Variants in GRIN2A observed in about 807,000 individuals in gnomAD.
GRIN2A encodes glutamate receptor ionotropic, NMDA 2A.
GRIN2A carries 22 observed loss-of-function variants against 113.4 expected under a neutral mutation model. The ratio of observed to expected loss-of-function variants is 0.19; its 90% CI spans 0.14 to 0.28. GRIN2A has a LOEUF of 0.28. Among genes scored for constraint, GRIN2A ranks in the 10% least tolerant of loss-of-function variants. GRIN2A has a pLI of 1.00. For synonymous variants in GRIN2A, 827 were observed against 738.4 expected, an observed-to-expected ratio of 1.12 and a Z score of -1.94; for missense variants, 1,502 against 1,887.0, an observed-to-expected ratio of 0.80 and a Z score of 3.78.
At chr16:9,966,693 CA>C (rs2045562264) in intron 2 of GRIN2A, among the ~76,000 whole-genome samples, 1 of 152,140 alleles carries the variant, frequency 6.6e-6, no homozygotes, top group African/African-American at 2.4e-5. Context: ...GAGAAATTGC[CA>C]CATTGTCTTC....
At chr16:9,840,881 A>G (rs1464370413) in intron 6 of GRIN2A, 55 bp downstream of exon 6, 4 of 1,593,168 alleles carry the variant, frequency 2.5e-6, no homozygotes, top group Non-Finnish European at 3.4e-6. Flanking sequence ...AACATTCCTG[A>G]GGACTGCAGG....
chr16:9,842,939 GAGAA>G (rs71402404), intron 5 of GRIN2A, among the ~76,000 whole-genome samples: 34 of 134,566 alleles, frequency 2.5e-4, no homozygotes, highest in South Asian at 9.3e-4. Flanking sequence ...GAGAGAAAGA[GAGAA>G]AGAAAGAAAG....
intron 11 of GRIN2A, among the ~76,000 whole-genome samples, chr16:9,785,802 C>T (rs1417965125): frequency 6.6e-6 from 1 of 152,122 alleles, no homozygotes; most frequent in Non-Finnish European, 1.5e-5. Context: ...AATTAGGTGT[C>T]TGTATTTTCT....
In GRIN2A at chr16:9,762,897, T is replaced by G. The variant is rs1567274517; in HGVS notation, c.*252A>C. The G allele has an allele frequency of 3.5e-6, 2 of 570,158 alleles. No homozygotes were observed. The highest frequency in any genetic ancestry group is 2.9e-5 in the East Asian group (1 of 34,510). The allele number at this position is 570,158 out of a possible 1,614,324, so 35.3% of individuals were successfully genotyped here. A position where few individuals can be genotyped will look rare whatever the true frequency, so the allele number is the denominator to read the frequency against. ...GGCATGTCCCGGAGACTTGCCCTTA[T>G]GTAGTTAGTTATTTTTGGTTAAGGA... On this transcript the variant is annotated 3_prime_UTR_variant, in exon 13 of 13. Transcript: ENST00000330684.
At chr16:10,096,559 C>CACACACACACACACAT (rs1555478926) in intron 2 of GRIN2A, among the ~76,000 whole-genome samples, 23 of 151,698 alleles carry the variant, frequency 1.5e-4, no homozygotes, top group Middle Eastern at 3.4e-3. Flanking sequence ...CACACACACA[C>CACACACACACACACAT]ACACACACAC....
rs762674544 is a variant in GRIN2A at position 9,841,005 on chromosome 16, G to A, written c.1428C>T (p.Asp476=). 1.7e-5 allele frequency: 28 copies of A among 1,613,314 alleles called. No individual in the cohort carries two copies. In the South Asian group the frequency reaches 2.7e-4, roughly 16 times the overall value. ...GCTTCCCATTGGTCACCAGATAGAG[G>A]TCGTAAGTAAACTTCACAGTTCTGG... ...KLSRTVKFTY[D]LYLVTNGKHG... The change falls in exon 6 of 13, where the codon GAC becomes GAT. Residue 476 remains aspartate (D), a synonymous_variant. Transcript: ENST00000330684.
intron 2 of GRIN2A, among the ~76,000 whole-genome samples, chr16:9,961,445 G>A (rs1267728038): frequency 6.6e-6 from 1 of 152,072 alleles, no homozygotes; most frequent in East Asian, 1.9e-4. Flanking sequence ...CAAAACAAAG[G>A]CATGCTATAC....
chr16:9,880,354 C>G (rs960116686), intron 4 of GRIN2A, among the ~76,000 whole-genome samples: 1 of 152,146 alleles, frequency 6.6e-6, no homozygotes, highest in African/African-American at 2.4e-5. Context: ...AACTATTAGG[C>G]TTGTGTGAAA....
chr16:9,969,067 T>C (rs4780745), intron 2 of GRIN2A, among the ~76,000 whole-genome samples: 54,081 of 151,832 alleles, frequency 0.36, 10,084 homozygotes, highest in African/African-American at 0.43. Context: ...AGTCTGAAAT[T>C]CAGAGTGAAT....
intron 2 of GRIN2A, among the ~76,000 whole-genome samples, chr16:9,964,791 C>T (rs1414494676): frequency 3.3e-5 from 5 of 152,066 alleles, no homozygotes; most frequent in East Asian, 1.9e-4. Context: ...CAGGATCATC[C>T]GAATCTCAAG....
rs755304312 is a variant in GRIN2A at position 9,834,234 on chromosome 16, C to T, written c.1652-4G>A. The T allele has an allele frequency of 3.7e-6, 6 of 1,613,810 alleles. No individual in the cohort carries two copies. The highest frequency in any genetic ancestry group is 5.1e-6 in the Non-Finnish European group (6 of 1,179,772). On this transcript the variant is annotated splice_region_variant and splice_polypyrimidine_tract_variant and intron_variant, in intron 7 of 12. Transcript: ENST00000330684. ...CAGACAGAGGCGCTGAATGGTTCTGCAAATAAACAGATAAAGGAATGGAAA... is the reference window on the plus strand; with the variant it reads ...CAGACAGAGGCGCTGAATGGTTCTGTAAATAAACAGATAAAGGAATGGAAA...
rs1301426976 is a variant in GRIN2A, at chr16:10,036,436, ACTTTTTTTTTTT to A, written c.415-97897_415-97886del. Reference sequence around the variant, plus strand: ...TGCCATAATAAAAATATTAGTACTTACTTTTTTTTTTTCTTTTTTTTTTTTTTTTTTTTTTTT... The same window carrying A: ...TGCCATAATAAAAATATTAGTACTTACTTTTTTTTTTTTTTTTTTTTTTTT... On this transcript the variant is annotated intron_variant, in intron 2 of 12. Coordinates refer to ENST00000330684, the MANE Select transcript of GRIN2A (RefSeq NM_001134407.3). 2.7e-4 allele frequency among the ~76,000 whole-genome samples: 23 copies of A among 85,342 alleles called. No individual in the cohort carries two copies. In the South Asian group the frequency reaches 3.9e-3, roughly 15 times the overall value. 56.0% of individuals were successfully genotyped at this position (85,342 alleles called of 152,430 possible).
chr16:10,039,801 A>AGGGGG (rs761949844), intron 2 of GRIN2A, among the ~76,000 whole-genome samples: 4 of 12,748 alleles, frequency 3.1e-4, no homozygotes, highest in Non-Finnish European at 4.4e-4. Flanking sequence ...GGGGAGGGGG[A>AGGGGG]GGGGGGGGAG....
intron 2 of GRIN2A, among the ~76,000 whole-genome samples, chr16:10,045,185 C>G (rs1008493139): frequency 3.9e-5 from 6 of 152,180 alleles, no homozygotes; most frequent in Non-Finnish European, 8.8e-5. Flanking sequence ...AGGGTGCAGA[C>G]ATGATTCAAG....
chr16:10,111,715 C>G, intron 2 of GRIN2A: 2 of 1,547,506 alleles, frequency 1.3e-6, no homozygotes, highest in South Asian at 1.1e-5. Flanking sequence ...GAAGTTTGAA[C>G]AGGGCTTCAT....
At chr16:9,853,662 G>C (rs1028477732) in intron 4 of GRIN2A, among the ~76,000 whole-genome samples, 4 of 152,122 alleles carry the variant, frequency 2.6e-5, no homozygotes, top group Non-Finnish European at 5.9e-5. Flanking sequence ...ATTTATAGAA[G>C]TCACCATGGA....
chr16:9,768,796 A>G (rs2141149008), intron 12 of GRIN2A, 55 bp downstream of exon 12: 2 of 1,166,914 alleles, frequency 1.7e-6, no homozygotes, highest in South Asian at 1.2e-5. Context: ...CAAGAACCCA[A>G]GCGCTTTTCT....
At chr16:10,040,764 C>G (rs2047151978) in intron 2 of GRIN2A, among the ~76,000 whole-genome samples, 1 of 152,256 alleles carries the variant, frequency 6.6e-6, no homozygotes, top group Non-Finnish European at 1.5e-5. Context: ...ACGCAACCCT[C>G]ACGCAGCTGC....
At chr16:10,049,481 G>A (rs372432297) in intron 2 of GRIN2A, among the ~76,000 whole-genome samples, 13 of 151,854 alleles carry the variant, frequency 8.6e-5, no homozygotes, top group Admixed American at 5.9e-4. Flanking sequence ...AGGTTCAAGC[G>A]ATTCTCCTGC....
Sources: gnomAD v4.1 joint callset for allele counts (sites outside exome capture counted in the v4.1 genomes callset) on GRCh38, gnomAD v4.1.1 for gene constraint, MANE v1.5 for transcripts, NCBI Gene and HGNC (gene_info 2026-07-23, HGNC 2026-07-21) for gene names.